The following CTIF variants were observed in gnomAD, a reference collection of about 807,000 sequenced individuals.
CTIF encodes CBP80/20-dependent translation initiation factor.
CTIF carries 21 observed loss-of-function variants against 66.0 expected under a neutral mutation model. The observed-to-expected ratio is 0.32, with a 90% CI of 0.23 to 0.46. The LOEUF (loss-of-function observed/expected upper bound fraction) is 0.46. CTIF is among the 20% of genes least tolerant of loss of function. The pLI is 1.00. For missense variants in CTIF, 739 were observed against 812.7 expected, an observed-to-expected ratio of 0.91 and a Z score of 1.10; for synonymous variants, 345 against 326.4, an observed-to-expected ratio of 1.06 and a Z score of -0.62.
At chr18:48,793,685 C>T (rs373246076) in intron 9 of CTIF, among the ~76,000 whole-genome samples, 1 of 152,280 alleles carries the variant, frequency 6.6e-6, no homozygotes, top group African/African-American at 2.4e-5. Context: ...TCAAGTTTAT[C>T]TTCATTTATT....
At chr18:48,561,569 G>A (rs1322002215) in intron 1 of CTIF, among the ~76,000 whole-genome samples, 2 of 152,208 alleles carry the variant, frequency 1.3e-5, no homozygotes, top group Admixed American at 1.3e-4. Flanking sequence ...TGCAGAGATG[G>A]ATCAGGGGAC....
chr18:48,757,772 T>C, intron 7 of CTIF, 147 bp from the exon 8 acceptor site: 1 of 1,107,612 alleles, frequency 9.0e-7, no homozygotes, highest in Non-Finnish European at 1.3e-6. Context: ...TCACAGACTC[T>C]GGCACGTAGA....
At chr18:48,543,841 C>T (rs1218211819) in intron 1 of CTIF, among the ~76,000 whole-genome samples, 2 of 152,168 alleles carry the variant, frequency 1.3e-5, no homozygotes, top group African/African-American at 2.4e-5. Flanking sequence ...CTTCTTCTCT[C>T]CTGTCTTCTG....
intron 2 of CTIF, among the ~76,000 whole-genome samples, chr18:48,625,415 C>A (rs369165324): frequency 2.4e-4 from 37 of 152,286 alleles, no homozygotes; most frequent in African/African-American, 7.9e-4. Context: ...TTAAATTATA[C>A]AAGTCCTTTA....
At chr18:48,840,393 G>A (rs2068911423) in intron 10 of CTIF, among the ~76,000 whole-genome samples, 1 of 152,176 alleles carries the variant, frequency 6.6e-6, no homozygotes. Context: ...AGAATGCACA[G>A]GTGATAACAG....
Position 48,657,022 on chromosome 18 carries a change from T to G in CTIF, c.253-6730T>G, listed in dbSNP as rs1336594619. Among the ~76,000 whole-genome samples the G allele has an allele frequency of 2.0e-5, 3 of 152,212 alleles. No individual in the cohort carries two copies. The East Asian group carries it at 5.8e-4, about 29-fold the overall frequency. Reference sequence around the variant, plus strand: ...TCCCAAGGCTAGGACGAGGGGTGAATGGGCAGGAAGATACAACAAGGAAGT... The same window carrying G: ...TCCCAAGGCTAGGACGAGGGGTGAAGGGGCAGGAAGATACAACAAGGAAGT... On this transcript the variant is annotated intron_variant, in intron 3 of 11. Transcript: ENST00000256413.
chr18:48,759,765 TG>T (rs1267015535), intron 8 of CTIF, among the ~76,000 whole-genome samples: 1 of 152,238 alleles, frequency 6.6e-6, no homozygotes. Flanking sequence ...GTTCCTGCCC[TG>T]GGGCCCAGAT....
intron 9 of CTIF, among the ~76,000 whole-genome samples, chr18:48,790,341 G>T (rs1433727700): frequency 6.6e-6 from 1 of 152,218 alleles, no homozygotes; most frequent in African/African-American, 2.4e-5. Context: ...TGTGAGCAAA[G>T]GTCCATGGCA....
intron 9 of CTIF, among the ~76,000 whole-genome samples, chr18:48,801,382 C>T (rs2146222966): frequency 6.6e-6 from 1 of 152,380 alleles, no homozygotes; most frequent in African/African-American, 2.4e-5. Context: ...ATCCTGGCTC[C>T]CTCCGCCTCC....
At chr18:48,591,632 T>G (rs1277538003) in intron 1 of CTIF, among the ~76,000 whole-genome samples, 1 of 152,250 alleles carries the variant, frequency 6.6e-6, no homozygotes. Flanking sequence ...CATGCAACCC[T>G]GGCAGGTAGG....
intron 7 of CTIF, among the ~76,000 whole-genome samples, chr18:48,736,137 A>G (rs916946430): frequency 5.9e-5 from 9 of 152,106 alleles, no homozygotes; most frequent in Admixed American, 2.0e-4. Flanking sequence ...CTTTCTTCCA[A>G]GATACACTGA....
chr18:48,603,499 G>A (rs140284819), intron 1 of CTIF, among the ~76,000 whole-genome samples: 35,351 of 112,266 alleles, frequency 0.31, 6,870 homozygotes, highest in African/African-American at 0.53. Context: ...GGGTGGGTGG[G>A]TGGATGGATG....
chr18:48,650,847 A>C (rs1450462178), intron 3 of CTIF, among the ~76,000 whole-genome samples: 1 of 2,902 alleles, frequency 3.4e-4, no homozygotes, highest in Non-Finnish European at 2.4e-3. Flanking sequence ...AGAATTTTCA[A>C]AAAAAAAAGA....
At chr18:48,796,496 T>C (rs937378561) in intron 9 of CTIF, among the ~76,000 whole-genome samples, 1 of 152,110 alleles carries the variant, frequency 6.6e-6, no homozygotes, top group Non-Finnish European at 1.5e-5. Flanking sequence ...GTTTTGAAGT[T>C]GGCTAACATG....
chr18:48,723,589 C>T (rs149751081), intron 7 of CTIF, among the ~76,000 whole-genome samples: 86 of 152,270 alleles, frequency 5.6e-4, no homozygotes, highest in Middle Eastern at 3.4e-3. Context: ...TGGTGGGCAG[C>T]TCAGGGGGTG....
At chr18:48,669,950 T>G (rs970748175) in intron 5 of CTIF, among the ~76,000 whole-genome samples, 1 of 150,772 alleles carries the variant, frequency 6.6e-6, no homozygotes, top group Non-Finnish European at 1.5e-5. Context: ...CCAGCCACCT[T>G]AAGATGTTAG....
chr18:48,554,919 G>T (rs2088980010), intron 1 of CTIF, among the ~76,000 whole-genome samples: 1 of 152,198 alleles, frequency 6.6e-6, no homozygotes. Flanking sequence ...CCTCCCAGTA[G>T]CCCTGGCTGT....
Position 48,596,050 on chromosome 18 carries a change from AT to A in CTIF, c.-28-23485del, listed in dbSNP as rs372975474. Reference sequence around the variant, plus strand: ...CATCCTATCACCTTTGTCATACTCTATTTGTTAGAAGCAAGTCACCAGGTTC... The same window carrying A: ...CATCCTATCACCTTTGTCATACTCTATTGTTAGAAGCAAGTCACCAGGTTC... On this transcript the variant is annotated intron_variant, in intron 1 of 11. Coordinates refer to ENST00000256413, the MANE Select transcript of CTIF (RefSeq NM_014772.3). Among the ~76,000 whole-genome samples the A allele has an allele frequency of 3.9e-5, 6 of 152,266 alleles. No homozygotes were observed. The East Asian group carries it at 9.7e-4, about 24-fold the overall frequency.
At chr18:48,594,707 C>G (rs189802997) in intron 1 of CTIF, among the ~76,000 whole-genome samples, 2 of 152,236 alleles carry the variant, frequency 1.3e-5, no homozygotes, top group Admixed American at 6.5e-5. Flanking sequence ...AACTGTCCCC[C>G]TCCTGTGCCC....
Sources: gnomAD v4.1 joint callset for allele counts (sites outside exome capture counted in the v4.1 genomes callset) on GRCh38, gnomAD v4.1.1 for gene constraint, MANE v1.5 for transcripts, NCBI Gene and HGNC (gene_info 2026-07-23, HGNC 2026-07-21) for gene names.